Variants in AUTS2 observed in about 807,000 individuals in gnomAD.
AUTS2 encodes autism susceptibility gene 2 protein.
In AUTS2, 17 loss-of-function variants were observed where a neutral mutation model predicts 112.4. The observed-to-expected ratio is 0.15, with a 90% CI of 0.10 to 0.23. The LOEUF (loss-of-function observed/expected upper bound fraction) is 0.23. Among genes scored for constraint, AUTS2 ranks in the 10% least tolerant of loss-of-function variants. The probability of loss-of-function intolerance (pLI) is 1.00; values close to 1 mark genes in which losing one functional copy is unlikely to be tolerated. For synonymous variants in AUTS2, 751 were observed against 702.7 expected, an observed-to-expected ratio of 1.07 and a Z score of -1.09; for missense variants, 1,510 against 1,701.6, an observed-to-expected ratio of 0.89 and a Z score of 1.98.
At chr7:70,770,731 T>C (rs867800330) in intron 10 of AUTS2, among the ~76,000 whole-genome samples, 1 of 152,212 alleles carries the variant, frequency 6.6e-6, no homozygotes, top group Non-Finnish European at 1.5e-5. Flanking sequence ...AAAGAGCTTG[T>C]TCATTTAATA....
intron 4 of AUTS2, among the ~76,000 whole-genome samples, chr7:70,329,563 T>C (rs188547511): frequency 6.6e-6 from 1 of 151,766 alleles, no homozygotes; most frequent in African/African-American, 2.4e-5. Context: ...TGGCCATTTT[T>C]ATATTTTTTT....
intron 5 of AUTS2, among the ~76,000 whole-genome samples, chr7:70,495,742 G>A (rs13306918): frequency 1.5e-4 from 10 of 68,250 alleles, no homozygotes; most frequent in South Asian, 5.1e-4. Context: ...CATCAGCATC[G>A]ATCACACACC....
At chr7:69,689,190 A>G (rs1797194764) in intron 1 of AUTS2, among the ~76,000 whole-genome samples, 1 of 152,112 alleles carries the variant, frequency 6.6e-6, no homozygotes, top group African/African-American at 2.4e-5. Flanking sequence ...GGGGGGTTTC[A>G]TAAAGACTAC....
intron 2 of AUTS2, among the ~76,000 whole-genome samples, chr7:69,907,636 C>T (rs1377906286): frequency 6.6e-6 from 1 of 152,160 alleles, no homozygotes; most frequent in Non-Finnish European, 1.5e-5. Context: ...ATATAAGCAA[C>T]CATTGTAGGC....
chr7:70,341,544 C>T (rs1350486714), intron 4 of AUTS2, among the ~76,000 whole-genome samples: 1 of 152,198 alleles, frequency 6.6e-6, no homozygotes, highest in Non-Finnish European at 1.5e-5. Context: ...ATGAAAAAAA[C>T]TGTGATATTT....
intron 6 of AUTS2, among the ~76,000 whole-genome samples, chr7:70,745,614 G>A (rs1379702017): frequency 2.0e-5 from 3 of 152,154 alleles, no homozygotes; most frequent in East Asian, 1.9e-4. Flanking sequence ...GGAGCGTGCA[G>A]ACCACAGGCG....
intron 1 of AUTS2, among the ~76,000 whole-genome samples, chr7:69,871,007 T>C (rs1433796754): frequency 6.6e-6 from 1 of 152,200 alleles, no homozygotes. Flanking sequence ...GCACATAATG[T>C]ATTTTGTTTT....
At position 70,773,859 on chromosome 7, in the gene AUTS2, C is replaced by T. The variant is rs559610792; in HGVS notation, c.1831-169C>T. ...CTGGAGAGAGCAAGCTGTGGTCAGG[C>T]CCCCTTGAGAAAGAGCATGTGTGGT... is the stretch of plus-strand genomic sequence containing the variant. On this transcript the variant is annotated intron_variant, in intron 11 of 18. Coordinates refer to ENST00000342771, the MANE Select transcript of AUTS2 (RefSeq NM_015570.4). Among the ~76,000 whole-genome samples, 18 of 152,312 alleles carry T rather than the reference C, an allele frequency of 1.2e-4. No individual in the cohort carries two copies. The South Asian group carries it at 3.7e-3, about 32-fold the overall frequency.
At chr7:70,637,987 C>G (rs1251691431) in intron 5 of AUTS2, among the ~76,000 whole-genome samples, 1 of 152,100 alleles carries the variant, frequency 6.6e-6, no homozygotes, top group Non-Finnish European at 1.5e-5. Flanking sequence ...TTCCAAGGGA[C>G]AGGAAGTGGC....
intron 4 of AUTS2, chr7:70,294,024 C>T (rs1788824423): frequency 6.6e-6 from 1 of 152,110 alleles, no homozygotes; most frequent in Admixed American, 6.6e-5. Context: ...AGGTAGTTTC[C>T]ACATGGCATA....
At chr7:69,676,366 T>C (rs982490953) in intron 1 of AUTS2, among the ~76,000 whole-genome samples, 1 of 152,228 alleles carries the variant, frequency 6.6e-6, no homozygotes, top group African/African-American at 2.4e-5. Context: ...TTGAGATCAC[T>C]TTCTTTAAAG....
intron 2 of AUTS2, among the ~76,000 whole-genome samples, chr7:70,114,320 A>G (rs1487505785): frequency 5.3e-5 from 8 of 152,252 alleles, no homozygotes; most frequent in African/African-American, 1.7e-4. Flanking sequence ...GGATGCTCAT[A>G]CAAATCAATG....
chr7:70,325,434 C>T (rs921171603), intron 4 of AUTS2, among the ~76,000 whole-genome samples: 11 of 152,126 alleles, frequency 7.2e-5, no homozygotes, highest in Admixed American at 1.3e-4. Flanking sequence ...GGAATTCGTA[C>T]GAAGAGTGAT....
chr7:70,110,219 T>C (rs1804994628), intron 2 of AUTS2, among the ~76,000 whole-genome samples: 1 of 152,198 alleles, frequency 6.6e-6, no homozygotes, highest in South Asian at 2.1e-4. Context: ...TATTTTCCTT[T>C]TTAAATTTTA....
rs140140520 is a variant in AUTS2 at position 70,217,063 on chromosome 7, G to A, written c.660+82492G>A. On this transcript the variant is annotated intron_variant, in intron 4 of 18. Coordinates refer to ENST00000342771, the MANE Select transcript of AUTS2 (RefSeq NM_015570.4). The stretch of plus-strand genomic sequence containing the variant: ...TTACATAGGCGTATTTTTTTTTTCC[G>A]GCTACTACCACTATTTGGACTAATT... Among the ~76,000 whole-genome samples the A allele has an allele frequency of 2.3e-3, 341 of 151,282 alleles. 1 individual carries two copies. The highest frequency in any genetic ancestry group is 7.6e-3 in the African/African-American group (312 of 41,208).
At chr7:69,902,726 G>A (rs1018273628) in intron 2 of AUTS2, among the ~76,000 whole-genome samples, 1 of 152,126 alleles carries the variant, frequency 6.6e-6, no homozygotes, top group Non-Finnish European at 1.5e-5. Context: ...AAGATGTATA[G>A]TTCTAAAACC....
At chr7:70,585,781 C>T (rs1458618454) in intron 5 of AUTS2, among the ~76,000 whole-genome samples, 1 of 152,058 alleles carries the variant, frequency 6.6e-6, no homozygotes, top group Non-Finnish European at 1.5e-5. Flanking sequence ...ATTAGAATCT[C>T]TTGTTTAAAA....
At chr7:70,224,534 A>G (rs977879103) in intron 4 of AUTS2, among the ~76,000 whole-genome samples, 4 of 152,216 alleles carry the variant, frequency 2.6e-5, no homozygotes, top group African/African-American at 9.6e-5. Flanking sequence ...TGAACAATAT[A>G]TAAAGTAAAA....
intron 5 of AUTS2, among the ~76,000 whole-genome samples, chr7:70,486,945 A>C (rs1016118162): frequency 7.6e-6 from 1 of 131,944 alleles, no homozygotes; most frequent in Admixed American, 7.9e-5. Context: ...TCATCACTTT[A>C]AAAGCTGAAG....
Sources: gnomAD v4.1 joint callset for allele counts (sites outside exome capture counted in the v4.1 genomes callset) on GRCh38, gnomAD v4.1.1 for gene constraint, MANE v1.5 for transcripts, NCBI Gene and HGNC (gene_info 2026-07-23, HGNC 2026-07-21) for gene names.